WWOX: variants seen among roughly 807,000 people sequenced by gnomAD.
WWOX encodes WW domain-containing oxidoreductase.
A neutral mutation model predicts 46.2 loss-of-function variants in WWOX; 69 were observed. The ratio of observed to expected loss-of-function variants is 1.49; its 90% CI spans 1.23 to 1.82. The LOEUF (loss-of-function observed/expected upper bound fraction) is 1.82, where lower values mean the gene tolerates loss of function less well. Among genes scored for constraint, WWOX ranks in the 40% most tolerant of loss-of-function variants. WWOX has a pLI of 0.00. For missense variants in WWOX, 919 were observed against 542.6 expected (o/e 1.69, Z -6.89); for synonymous variants, 359 against 202.6 (o/e 1.77, Z -6.56).
At chr16:78,564,406 G>C (rs1167706193) in intron 8 of WWOX, among the ~76,000 whole-genome samples, 1 of 152,120 alleles carries the variant, frequency 6.6e-6, no homozygotes, top group Admixed American at 6.5e-5. Flanking sequence ...TCTGTCTCAG[G>C]AAGCATGAAC....
intron 8 of WWOX, among the ~76,000 whole-genome samples, chr16:78,928,240 T>C (rs1302360022): frequency 6.7e-6 from 1 of 149,880 alleles, no homozygotes; most frequent in Non-Finnish European, 1.5e-5. Flanking sequence ...TCTCGCTCTG[T>C]CGCCCAGGCT....
At chr16:79,094,550 C>G (rs904448009) in intron 8 of WWOX, among the ~76,000 whole-genome samples, 1 of 152,158 alleles carries the variant, frequency 6.6e-6, no homozygotes, top group Admixed American at 6.5e-5. Flanking sequence ...CCGCACCAGG[C>G]CATTTCCTCA....
intron 4 of WWOX, among the ~76,000 whole-genome samples, chr16:78,156,260 C>T (rs1356804882): frequency 8.6e-5 from 13 of 151,582 alleles, no homozygotes; most frequent in Admixed American, 7.2e-4. Context: ...AGTCCTTTGC[C>T]GTGGGTTATT....
intron 8 of WWOX, among the ~76,000 whole-genome samples, chr16:78,868,696 G>A (rs1407043514): frequency 6.6e-6 from 1 of 152,286 alleles, no homozygotes; most frequent in East Asian, 1.9e-4. Context: ...TTGAAGAGAG[G>A]AAGGGAACGT....
chr16:78,759,155 T>C (rs1057095478), intron 8 of WWOX, among the ~76,000 whole-genome samples: 15 of 152,138 alleles, frequency 9.9e-5, no homozygotes, highest in South Asian at 2.1e-4. Flanking sequence ...AGTGAAGTTA[T>C]ATGTGGTGCT....
At chr16:78,428,139 T>C (rs1377812307) in intron 7 of WWOX, among the ~76,000 whole-genome samples, 1 of 151,994 alleles carries the variant, frequency 6.6e-6, no homozygotes, top group Non-Finnish European at 1.5e-5. Context: ...GGGGCGGGGG[T>C]CCCCCTACAA....
intron 5 of WWOX, among the ~76,000 whole-genome samples, chr16:78,301,980 A>G (rs1281675875): frequency 6.8e-6 from 1 of 147,562 alleles, no homozygotes. Flanking sequence ...TTTCTTTTTG[A>G]GACAGGGTCT....
chr16:78,134,928 G>T (rs2033735564), intron 4 of WWOX, among the ~76,000 whole-genome samples: 1 of 152,220 alleles, frequency 6.6e-6, no homozygotes, highest in Non-Finnish European at 1.5e-5. Flanking sequence ...GCATTTCACT[G>T]AAGCCTGGGG....
In WWOX at chr16:78,455,229, G is replaced by A. The variant is rs567029728; in HGVS notation, c.1056+22477G>A. Among the ~76,000 whole-genome samples, 152 of 152,290 alleles carry A rather than the reference G, an allele frequency of 1.0e-3. 1 individual carries two copies. Among genetic ancestry groups the A allele is most frequent in the Middle Eastern group, 3.4e-3 (1 of 294 alleles). On this transcript the variant is annotated intron_variant, in intron 8 of 8. Coordinates refer to ENST00000566780, the MANE Select transcript of WWOX (RefSeq NM_016373.4). Reference sequence around the variant, plus strand: ...CGGAGGCAAACATGTTGACACAAACGAGAGAATTTTAGGTTCTCTTTGTAG... The same window carrying A: ...CGGAGGCAAACATGTTGACACAAACAAGAGAATTTTAGGTTCTCTTTGTAG...
At chr16:78,708,296 T>A (rs1202719338) in intron 8 of WWOX, among the ~76,000 whole-genome samples, 2 of 152,228 alleles carry the variant, frequency 1.3e-5, no homozygotes, top group Non-Finnish European at 2.9e-5. Flanking sequence ...GCATATACTC[T>A]AAAAATTTTC....
At chr16:78,490,750 G>C (rs112281049) in intron 8 of WWOX, among the ~76,000 whole-genome samples, 2,929 of 152,262 alleles carry the variant, frequency 0.019, 93 homozygotes, top group African/African-American at 0.067. Flanking sequence ...GTGGTCTTCA[G>C]CTACACCTTA....
At chr16:79,081,286 C>T (rs1026380129) in intron 8 of WWOX, among the ~76,000 whole-genome samples, 2 of 152,116 alleles carry the variant, frequency 1.3e-5, no homozygotes, top group Non-Finnish European at 2.9e-5. Flanking sequence ...GTCTCAGCCT[C>T]CTAGGGAGCT....
At chr16:79,003,027 C>T (rs762492263) in intron 8 of WWOX, among the ~76,000 whole-genome samples, 3 of 152,190 alleles carry the variant, frequency 2.0e-5, no homozygotes, top group East Asian at 1.9e-4. Flanking sequence ...CAATGCATGC[C>T]AGCCACAGGG....
At chr16:78,554,458 T>G (rs1272159897) in intron 8 of WWOX, among the ~76,000 whole-genome samples, 4 of 152,170 alleles carry the variant, frequency 2.6e-5, no homozygotes, top group Non-Finnish European at 5.9e-5. Flanking sequence ...TGAAAACAGT[T>G]CTGGCTGATG....
At chr16:78,866,822 C>G (rs1488272145) in intron 8 of WWOX, among the ~76,000 whole-genome samples, 4 of 152,218 alleles carry the variant, frequency 2.6e-5, no homozygotes, top group Non-Finnish European at 5.9e-5. Flanking sequence ...AAATTACTGG[C>G]CTTTCCAGTT....
At chr16:78,490,161 C>T (rs867975536) in intron 8 of WWOX, among the ~76,000 whole-genome samples, 2 of 140,674 alleles carry the variant, frequency 1.4e-5, no homozygotes, top group African/African-American at 5.5e-5. Flanking sequence ...GTTGTGGTGG[C>T]GTTGGCTTTT....
At chr16:78,984,872 G>A (rs1020576781) in intron 8 of WWOX, among the ~76,000 whole-genome samples, 17 of 152,152 alleles carry the variant, frequency 1.1e-4, no homozygotes, top group African/African-American at 3.6e-4. Context: ...TGCATGGAGC[G>A]TGCAGGGGAA....
At chr16:79,011,523 A>C (rs553699939) in intron 8 of WWOX, among the ~76,000 whole-genome samples, 1 of 149,348 alleles carries the variant, frequency 6.7e-6, no homozygotes, top group East Asian at 2.0e-4. Flanking sequence ...ACAGGGTCTT[A>C]ATCTGTCCCC....
chr16:78,119,882 A>G (rs975455783), intron 4 of WWOX, among the ~76,000 whole-genome samples: 2 of 152,038 alleles, frequency 1.3e-5, no homozygotes. Flanking sequence ...GATTTTTAAA[A>G]TTTTTTTCAG....
Sources: allele counts gnomAD v4.1 joint callset (sites outside exome capture counted in the v4.1 genomes callset), GRCh38; gene constraint gnomAD v4.1.1; transcripts MANE v1.5; gene names NCBI Gene and HGNC (gene_info 2026-07-23, HGNC 2026-07-21).